The following OR2L13 variants were observed in gnomAD, a reference collection of about 807,000 sequenced individuals.
OR2L13 encodes olfactory receptor 2L13.
Under a neutral mutation model 15.3 loss-of-function variants are expected in OR2L13, and 14 were observed. That is an observed-to-expected ratio of 0.91 (90% CI 0.60 to 1.43). The LOEUF is 1.43. Among genes scored for constraint, OR2L13 ranks in the 40% most tolerant of loss-of-function variants. The pLI is 0.00. For missense variants in OR2L13, 367 were observed against 387.9 expected (o/e 0.95, Z 0.45); for synonymous variants, 152 against 142.9 (o/e 1.06, Z -0.45).
chr1:247,966,155 C>G, the OR2L13 span: 2 of 1,614,158 alleles, frequency 1.2e-6, no homozygotes, highest in Non-Finnish European at 1.7e-6. Context: ...TTTACCTACA[C>G]AAGGCCACAC....
At chr1:248,080,138 T>C in the OR2L13 span, among the ~76,000 whole-genome samples, 2 of 152,138 alleles carry the variant, frequency 1.3e-5, no homozygotes, top group Admixed American at 1.3e-4. Flanking sequence ...TACATATTTT[T>C]TTTTACATCT....
At chr1:248,027,825 C>T in the OR2L13 span, among the ~76,000 whole-genome samples, 69 of 152,076 alleles carry the variant, frequency 4.5e-4, no homozygotes, top group Non-Finnish European at 7.1e-4. Flanking sequence ...GACCAATCAG[C>T]AATCCCCACA....
the OR2L13 span, among the ~76,000 whole-genome samples, chr1:248,067,725 G>A: frequency 6.6e-6 from 1 of 152,218 alleles, no homozygotes; most frequent in Non-Finnish European, 1.5e-5. Context: ...AGGGGTCAGG[G>A]AGTTCCCTTT....
chr1:248,069,994 A>C, the OR2L13 span, among the ~76,000 whole-genome samples: 6 of 152,004 alleles, frequency 3.9e-5, no homozygotes, highest in African/African-American at 9.7e-5. Context: ...AGTGACCTAC[A>C]AAGAGACTTA....
chr1:247,982,663 G>T, the OR2L13 span, among the ~76,000 whole-genome samples: 1 of 152,122 alleles, frequency 6.6e-6, no homozygotes, highest in Admixed American at 6.5e-5. Context: ...GAACAAGACA[G>T]AAATTGCATT....
At chr1:247,963,336 T>G in the OR2L13 span, among the ~76,000 whole-genome samples, 2 of 152,190 alleles carry the variant, frequency 1.3e-5, no homozygotes, top group Non-Finnish European at 2.9e-5. Context: ...ATGGTGCTGG[T>G]GGGAGTTTCC....
chr1:247,952,015 A>C, the OR2L13 span, among the ~76,000 whole-genome samples: 1 of 152,072 alleles, frequency 6.6e-6, no homozygotes, highest in Admixed American at 6.6e-5. Context: ...GCATGAGAAG[A>C]CCAGGCCAAT....
At chr1:248,088,661 CAAGAT>C in the OR2L13 span, among the ~76,000 whole-genome samples, 1 of 152,072 alleles carries the variant, frequency 6.6e-6, no homozygotes, top group East Asian at 1.9e-4. Flanking sequence ...TTATCTAAAA[CAAGAT>C]AAGGGCAGGG....
chr1:248,040,453 G>T, the OR2L13 span: 2 of 152,190 alleles, frequency 1.3e-5, no homozygotes, highest in Non-Finnish European at 2.9e-5. Context: ...CCACATATAT[G>T]TGGATTTTGT....
chr1:247,965,742 C>A, the OR2L13 span: 1 of 1,567,132 alleles, frequency 6.4e-7, no homozygotes, highest in African/African-American at 1.4e-5. Flanking sequence ...CTTATGATCG[C>A]TATGTAGCTA....
At chr1:247,940,295 TA>T in the OR2L13 span, among the ~76,000 whole-genome samples, 1 of 152,184 alleles carries the variant, frequency 6.6e-6, no homozygotes, top group East Asian at 1.9e-4. Flanking sequence ...CAATTTATCC[TA>T]AAAGTTATTG....
the OR2L13 span, among the ~76,000 whole-genome samples, chr1:247,941,071 G>C: frequency 6.6e-6 from 1 of 152,084 alleles, no homozygotes; most frequent in Non-Finnish European, 1.5e-5. Context: ...GTCTGTTCAT[G>C]TACTTTGTGC....
chr1:247,966,080 C>CAAA, the OR2L13 span: 2 of 1,614,158 alleles, frequency 1.2e-6, no homozygotes, highest in East Asian at 2.2e-5. Context: ...AAAGGACAGG[C>CAAA]AAAAGCTGTT....
the OR2L13 span, among the ~76,000 whole-genome samples, chr1:248,080,834 C>A: frequency 2.6e-5 from 4 of 152,144 alleles, no homozygotes; most frequent in Non-Finnish European, 4.4e-5. Flanking sequence ...GTCCTAGATC[C>A]TTGAGGAATC....
the OR2L13 span, chr1:248,061,392 C>A: frequency 5.6e-6 from 9 of 1,614,114 alleles, no homozygotes; most frequent in South Asian, 8.8e-5. Flanking sequence ...AGAAAGCCTA[C>A]CTGACCTGCA....
At chr1:248,003,893 G>T in the OR2L13 span, 1 of 1,612,620 alleles carries the variant, frequency 6.2e-7, no homozygotes. Context: ...TACACCTTTT[G>T]TCTACACCTA....
upstream of OR2L13, among the ~76,000 whole-genome samples, chr1:248,096,500 T>C (rs1664745125): frequency 7.9e-5 from 12 of 152,310 alleles, no homozygotes; most frequent in Admixed American, 7.2e-4. Flanking sequence ...AAAAACATTT[T>C]CTCAGGGCGT....
chr1:247,964,585 A>C, the OR2L13 span, among the ~76,000 whole-genome samples: 1 of 152,076 alleles, frequency 6.6e-6, no homozygotes, highest in Non-Finnish European at 1.5e-5. Flanking sequence ...GTGTTACTTT[A>C]CATTTCTCTG....
the OR2L13 span, chr1:247,990,703 G>A: frequency 6.5e-7 from 1 of 1,543,804 alleles, no homozygotes; most frequent in Non-Finnish European, 9.0e-7. Flanking sequence ...GATGATAACA[G>A]GATCTTGGAT....
Sources: allele counts gnomAD v4.1 joint callset (sites outside exome capture counted in the v4.1 genomes callset), GRCh38; gene constraint gnomAD v4.1.1; transcripts MANE v1.5; gene names NCBI Gene and HGNC (gene_info 2026-07-23, HGNC 2026-07-21).